Variants in ABLIM1 observed in about 807,000 individuals in gnomAD.
ABLIM1 encodes the protein actin binding LIM protein 1.
A neutral mutation model predicts 107.0 loss-of-function variants in ABLIM1; 40 were observed. The observed-to-expected ratio is 0.37, with a 90% CI of 0.29 to 0.49. The LOEUF is 0.49. Among genes scored for constraint, ABLIM1 ranks in the 20% least tolerant of loss-of-function variants. The pLI is 0.97. For missense variants in ABLIM1, 857 were observed against 1,008.5 expected, an observed-to-expected ratio of 0.85 and a Z score of 2.04; for synonymous variants, 357 against 357.3, an observed-to-expected ratio of 1.00 and a Z score of 0.01.
chr10:114,594,026 T>C lies in ABLIM1; in HGVS notation c.379+7801A>G, dbSNP rs190939740. Reference sequence around the variant, plus strand: ...CATTTATATCACACTTATGTTTCTCTCATTTTGGTTAACCTGCCTTTTAAT... The same window carrying C: ...CATTTATATCACACTTATGTTTCTCCCATTTTGGTTAACCTGCCTTTTAAT... On this transcript the variant is annotated intron_variant, in intron 2 of 22. Transcript: ENST00000533213. 2.0e-3 allele frequency among the ~76,000 whole-genome samples: 311 copies of C among 152,330 alleles called. 2 individuals carry two copies. The highest frequency in any genetic ancestry group is 7.2e-3 in the African/African-American group (299 of 41,582).
chr10:114,742,329 T>C (rs2082304244), intron 1 of ABLIM1, among the ~76,000 whole-genome samples: 1 of 152,192 alleles, frequency 6.6e-6, no homozygotes, highest in South Asian at 2.1e-4. Context: ...AACTGCAAAA[T>C]GCCAAAGTCT....
At chr10:114,797,583 C>T in the ABLIM1 span, among the ~76,000 whole-genome samples, 1 of 152,196 alleles carries the variant, frequency 6.6e-6, no homozygotes, top group African/African-American at 2.4e-5. Flanking sequence ...CTCACTTCCA[C>T]CTTCCTGTCT....
chr10:114,580,171 C>A (rs1278229790), intron 2 of ABLIM1, among the ~76,000 whole-genome samples: 4 of 148,148 alleles, frequency 2.7e-5, no homozygotes, highest in African/African-American at 5.0e-5. Flanking sequence ...GCCTTTATAA[C>A]CCACTCCTTT....
chr10:114,489,704 C>T (rs3802737), intron 7 of ABLIM1, among the ~76,000 whole-genome samples: 23,388 of 152,046 alleles, frequency 0.15, 2,378 homozygotes, highest in East Asian at 0.5. Flanking sequence ...GCCAGGACAC[C>T]GGGTCTGCGC....
At chr10:114,532,399 C>T (rs2065546384) in intron 6 of ABLIM1, among the ~76,000 whole-genome samples, 2 of 152,336 alleles carry the variant, frequency 1.3e-5, no homozygotes, top group South Asian at 4.1e-4. Flanking sequence ...ACAAGCAAGT[C>T]CATCTGCTGG....
intron 2 of ABLIM1, among the ~76,000 whole-genome samples, chr10:114,588,497 T>TC (rs2074447025): frequency 7.8e-6 from 1 of 127,838 alleles, no homozygotes; most frequent in Admixed American, 7.9e-5. Flanking sequence ...CTTTTTTTTT[T>TC]TTTTTTTTTT....
chr10:114,713,726 C>G (rs960920629), intron 1 of ABLIM1, among the ~76,000 whole-genome samples: 10 of 152,144 alleles, frequency 6.6e-5, no homozygotes, highest in Admixed American at 2.0e-4. Flanking sequence ...AGGAGGCAGC[C>G]TTAAAGAACA....
intron 1 of ABLIM1, among the ~76,000 whole-genome samples, chr10:114,638,365 T>G (rs1241617127): frequency 6.6e-6 from 1 of 152,232 alleles, no homozygotes; most frequent in African/African-American, 2.4e-5. Flanking sequence ...GCAGTCATTT[T>G]ACAAAGTCCC....
At chr10:114,612,312 G>A (rs919688739) in intron 1 of ABLIM1, among the ~76,000 whole-genome samples, 1 of 152,166 alleles carries the variant, frequency 6.6e-6, no homozygotes, top group African/African-American at 2.4e-5. Context: ...TCACACCCTA[G>A]TTTGCTCTTC....
chr10:114,791,510 C>A, the ABLIM1 span, among the ~76,000 whole-genome samples: 1 of 151,792 alleles, frequency 6.6e-6, no homozygotes, highest in African/African-American at 2.4e-5. Flanking sequence ...TGGTGGTGGA[C>A]GCCTGTAGTC....
In ABLIM1 at chr10:114,491,012, G is replaced by GTGTGTGTGTGTGTATA; in HGVS notation, c.982+778_982+779insTATACACACACACACA. ...TGTGTGTGTGTGTGTGTGTGTGTGT[G>GTGTGTGTGTGTGTATA]TATATATATATATGGTCTATTTTAT... On this transcript the variant is annotated intron_variant, in intron 7 of 22. Coordinates refer to ENST00000533213, the MANE Select transcript of ABLIM1 (RefSeq NM_002313.7). 9.3e-4 allele frequency among the ~76,000 whole-genome samples: 86 copies of GTGTGTGTGTGTGTATA among 92,366 alleles called. 1 individual carries two copies. The highest frequency in any genetic ancestry group is 1.1e-3 in the Non-Finnish European group (58 of 50,832). 60.6% of individuals were successfully genotyped at this position (92,366 alleles called of 152,430 possible).
rs570177668 is a variant in ABLIM1 at position 114,487,973 on chromosome 10, G to T, written c.1026C>A (p.Thr342=). 3.1e-6 allele frequency: 5 copies of T among 1,614,050 alleles called. No homozygotes were observed. The highest frequency in any genetic ancestry group is 4.2e-6 in the Non-Finnish European group (5 of 1,180,000). Residue 342 remains threonine (T), a synonymous_variant, in exon 8 of 23, where the codon ACC becomes ACA. Coordinates refer to ENST00000533213, the MANE Select transcript of ABLIM1 (RefSeq NM_002313.7). Reference sequence around the variant, plus strand: ...GTGTCCTTACCCGCAGCTTTTCCTCGGTCTTCGTAGATTGCTTACAGTCGG... The same window carrying T: ...GTGTCCTTACCCGCAGCTTTTCCTCTGTCTTCGTAGATTGCTTACAGTCGG... ...WHPDCKQSTK[T]EEKLRPTRTS...
chr10:114,702,091 G>A (rs922510467), intron 1 of ABLIM1, among the ~76,000 whole-genome samples: 1 of 152,134 alleles, frequency 6.6e-6, no homozygotes. Flanking sequence ...AACATGACAA[G>A]ATGTTTAGAA....
chr10:114,773,374 G>A, the ABLIM1 span, among the ~76,000 whole-genome samples: 2 of 152,130 alleles, frequency 1.3e-5, no homozygotes, highest in Non-Finnish European at 2.9e-5. Flanking sequence ...CAAGGGAAAG[G>A]ATAAAAGCCA....
chr10:114,437,635 G>A (rs2059609543), intron 22 of ABLIM1, among the ~76,000 whole-genome samples: 1 of 152,132 alleles, frequency 6.6e-6, no homozygotes. Context: ...TCATTCTTCT[G>A]GATATTACCA....
chr10:114,575,524 C>A lies in ABLIM1; in HGVS notation c.455G>T (p.Arg152Leu). The change falls in exon 3 of 23, where the codon CGG (arginine) becomes CTG (leucine). Residue 152 changes from arginine (R) to leucine (L), a missense_variant. By Grantham distance (102) the Arg-to-Leu change is moderately radical. This residue lies in a region of ABLIM1 where 381 missense variants were observed against 506.9 expected (regional missense o/e 0.75). Transcript: ENST00000533213. Reference sequence around the variant, plus strand: ...GCCATGGCAGCGTGTCCCGTACATCCGCTGGTAGTCCAGGGTGCAGAGATA... The same window carrying A: ...GCCATGGCAGCGTGTCCCGTACATCAGCTGGTAGTCCAGGGTGCAGAGATA... ...GEYLCTLDYQ[R>L]MYGTRCHGCG... 1 of 1,614,214 alleles carries A rather than the reference C, an allele frequency of 6.2e-7. No individual in the cohort carries two copies. Among genetic ancestry groups the A allele is most frequent in the South Asian group, 1.1e-5 (1 of 91,082 alleles).
chr10:114,712,999 T>C (rs980997311), intron 1 of ABLIM1, among the ~76,000 whole-genome samples: 1 of 152,064 alleles, frequency 6.6e-6, no homozygotes, highest in Non-Finnish European at 1.5e-5. Flanking sequence ...GCAGTAGCTA[T>C]GATCATACTA....
intron 1 of ABLIM1, among the ~76,000 whole-genome samples, chr10:114,622,222 T>C (rs1325272146): frequency 6.6e-6 from 1 of 151,998 alleles, no homozygotes; most frequent in Non-Finnish European, 1.5e-5. Context: ...CTTGCCACCT[T>C]TTCCTATCAT....
intron 8 of ABLIM1, among the ~76,000 whole-genome samples, chr10:114,484,151 G>A (rs894601044): frequency 3.3e-5 from 5 of 152,174 alleles, no homozygotes; most frequent in Admixed American, 3.3e-4. Context: ...GAATATGAGT[G>A]AAGGGCTCAC....
Sources: allele counts gnomAD v4.1 joint callset (sites outside exome capture counted in the v4.1 genomes callset), GRCh38; gene constraint gnomAD v4.1.1; regional missense constraint gnomAD v4.1.1; transcripts MANE v1.5; gene names NCBI Gene and HGNC (gene_info 2026-07-23, HGNC 2026-07-21).